NTRK2: variants seen among roughly 807,000 people sequenced by gnomAD.
NTRK2 encodes neurotrophic receptor tyrosine kinase 2.
NTRK2 carries 13 observed loss-of-function variants against 94.5 expected under a neutral mutation model. The ratio of observed to expected loss-of-function variants is 0.14; its 90% confidence interval spans 0.09 to 0.22. The LOEUF (loss-of-function observed/expected upper bound fraction) is 0.22. NTRK2 is among the 10% of genes least tolerant of loss of function. The pLI is 1.00. For synonymous variants in NTRK2, 372 were observed against 407.4 expected (o/e 0.91, Z 1.05); for missense variants, 639 against 1,071.2 (o/e 0.60, Z 5.63).
chr9:84,966,008 G>T (rs138854917), intron 17 of NTRK2, among the ~76,000 whole-genome samples: 1 of 152,320 alleles, frequency 6.6e-6, no homozygotes, highest in African/African-American at 2.4e-5. Flanking sequence ...CTGCAGAGCT[G>T]CAGTGGCTTT....
intron 14 of NTRK2, among the ~76,000 whole-genome samples, chr9:84,912,199 C>T (rs574395485): frequency 4.6e-5 from 7 of 152,148 alleles, no homozygotes; most frequent in Admixed American, 3.9e-4. Context: ...AGTAATAAGT[C>T]TGAAAAAAAT....
chr9:84,816,361 T>G (rs946412379), intron 12 of NTRK2, among the ~76,000 whole-genome samples: 1 of 152,132 alleles, frequency 6.6e-6, no homozygotes, highest in African/African-American at 2.4e-5. Context: ...CCAATTCATT[T>G]GAGCCTGCCA....
At chr9:84,718,022 C>G (rs1020772533) in intron 6 of NTRK2, among the ~76,000 whole-genome samples, 5 of 149,896 alleles carry the variant, frequency 3.3e-5, no homozygotes, top group Admixed American at 2.0e-4. Flanking sequence ...TCTTCTTCTT[C>G]CTCTTCCCCT....
At chr9:84,711,510 C>A (rs543217597) in intron 6 of NTRK2, among the ~76,000 whole-genome samples, 27 of 152,308 alleles carry the variant, frequency 1.8e-4, no homozygotes, top group East Asian at 1.5e-3. Flanking sequence ...CTACAATACC[C>A]ACACATGCAT....
At chr9:84,941,468 G>A (rs946392456) in intron 15 of NTRK2, among the ~76,000 whole-genome samples, 2 of 152,176 alleles carry the variant, frequency 1.3e-5, no homozygotes, top group African/African-American at 2.4e-5. Flanking sequence ...ACAAAACAGT[G>A]CATTTCACTC....
At chr9:84,725,283 A>C (rs1251454606) in intron 8 of NTRK2, among the ~76,000 whole-genome samples, 2 of 152,224 alleles carry the variant, frequency 1.3e-5, no homozygotes, top group Non-Finnish European at 2.9e-5. Context: ...GAATGATTGA[A>C]ATCATCAGCT....
intron 2 of NTRK2, among the ~76,000 whole-genome samples, chr9:84,693,731 T>C (rs1015951299): frequency 2.0e-5 from 3 of 152,192 alleles, no homozygotes; most frequent in Admixed American, 6.5e-5. Flanking sequence ...CGTTACTGCA[T>C]TTTGCAGACA....
chr9:84,924,229 TAGAAAGAAAGAAAGAAAGAA>T lies in NTRK2; in HGVS notation c.1634-9885_1634-9866del, dbSNP rs774882842. 9.7e-3 allele frequency among the ~76,000 whole-genome samples: 1,124 copies of T among 115,676 alleles called. 19 individuals carry two copies. The highest frequency in any genetic ancestry group is 0.027 in the African/African-American group (811 of 29,514). 75.9% of individuals were successfully genotyped at this position (115,676 alleles called of 152,430 possible). A position where few individuals can be genotyped will look rare whatever the true frequency, so the allele number is the denominator to read the frequency against. ...GAGACCCTGTCTCAAAGAAAGAAAG[TAGAAAGAAAGAAAGAAAGAA>T]AGAAAGAAAGAAAGAAAGAAAGAAA... On this transcript the variant is annotated intron_variant, in intron 14 of 18. Transcript: ENST00000277120.
chr9:84,886,561 G>A (rs1409747139), intron 14 of NTRK2, among the ~76,000 whole-genome samples: 2 of 152,200 alleles, frequency 1.3e-5, no homozygotes, highest in East Asian at 3.9e-4. Flanking sequence ...TTGTCTTAGC[G>A]ACACAGGCAC....
rs760264948 is a variant in NTRK2, at chr9:84,798,044, G to T, written c.1396+45959G>T. Among the ~76,000 whole-genome samples, 428 of 150,444 alleles carry T rather than the reference G, an allele frequency of 2.8e-3. 3 individuals are homozygous for T. The highest frequency in any genetic ancestry group is 4.3e-3 in the Non-Finnish European group (292 of 67,900). On this transcript the variant is annotated intron_variant, in intron 12 of 18. Transcript: ENST00000277120. ...ATAACAAAGTATCACAGACTGGGTG[G>T]TTGATAAACAACAGAAATTTATTTT...
At chr9:84,735,342 A>G (rs1004470528) in intron 9 of NTRK2, among the ~76,000 whole-genome samples, 2 of 152,212 alleles carry the variant, frequency 1.3e-5, no homozygotes, top group Non-Finnish European at 2.9e-5. Flanking sequence ...TAAAATGAAG[A>G]TTATGATTCA....
chr9:84,779,362 T>C (rs529235719), intron 12 of NTRK2, among the ~76,000 whole-genome samples: 72 of 152,306 alleles, frequency 4.7e-4, no homozygotes, highest in Non-Finnish European at 8.4e-4. Flanking sequence ...AGCAAAGAGA[T>C]GGAACACATA....
intron 17 of NTRK2, among the ~76,000 whole-genome samples, chr9:84,994,695 T>A (rs552679337): frequency 6.6e-6 from 1 of 152,364 alleles, no homozygotes. Context: ...TGTGGCTTTT[T>A]TCCCCCTGTT....
intron 2 of NTRK2, among the ~76,000 whole-genome samples, chr9:84,692,202 T>G (rs1187344): frequency 0.75 from 113,216 of 151,888 alleles, 42,691 homozygotes; most frequent in East Asian, 0.94. Flanking sequence ...AATATACAAT[T>G]ATATTAATTA....
At chr9:84,932,130 T>C (rs1243706001) in intron 14 of NTRK2, among the ~76,000 whole-genome samples, 2 of 152,214 alleles carry the variant, frequency 1.3e-5, no homozygotes, top group African/African-American at 4.8e-5. Flanking sequence ...ACCACTTGCA[T>C]TTTCTATAAA....
rs202070498 is a variant in NTRK2, at chr9:84,870,124, T to C, written c.1633+2693T>C. On this transcript the variant is annotated intron_variant, in intron 14 of 18. Transcript: ENST00000277120. The stretch of plus-strand genomic sequence containing the variant: ...ATATATATATATATATATATATATA[T>C]ATACACACACACACACATATATATA... Among the ~76,000 whole-genome samples the C allele has an allele frequency of 4.8e-3, 524 of 109,952 alleles. 1 individual carries two copies. The highest frequency in any genetic ancestry group is 6.7e-3 in the Non-Finnish European group (330 of 49,020). 72.1% of individuals were successfully genotyped at this position (109,952 alleles called of 152,430 possible). A position where few individuals can be genotyped will look rare whatever the true frequency, so the allele number is the denominator to read the frequency against.
chr9:84,861,855 G>T (rs144309786), intron 13 of NTRK2, among the ~76,000 whole-genome samples: 1 of 152,158 alleles, frequency 6.6e-6, no homozygotes, highest in Non-Finnish European at 1.5e-5. Context: ...TGGTAGCAAG[G>T]TTGGCCATAG....
intron 14 of NTRK2, chr9:84,875,786 T>C (rs997111312): frequency 9.5e-7 from 1 of 1,049,266 alleles, no homozygotes; most frequent in Non-Finnish European, 1.2e-6. Context: ...TCTCCTGATG[T>C]CTCAGGCCTC....
intron 16 of NTRK2, among the ~76,000 whole-genome samples, chr9:84,953,571 C>T (rs1427611758): frequency 6.6e-6 from 1 of 152,186 alleles, no homozygotes; most frequent in Non-Finnish European, 1.5e-5. Context: ...CTGAAGAAAG[C>T]CCTGGAGCAT....
Sources: allele counts gnomAD v4.1 joint callset (sites outside exome capture counted in the v4.1 genomes callset), GRCh38; gene constraint gnomAD v4.1.1; transcripts MANE v1.5; gene names NCBI Gene and HGNC (gene_info 2026-07-23, HGNC 2026-07-21).